The following SH3RF3 variants were observed in gnomAD, a reference collection of about 807,000 sequenced individuals.
SH3RF3 encodes the protein E3 ubiquitin-protein ligase SH3RF3.
A neutral mutation model predicts 66.3 loss-of-function variants in SH3RF3; 29 were observed. The ratio of observed to expected loss-of-function variants is 0.44; its 90% CI spans 0.33 to 0.60. The LOEUF is 0.60. Ranked by LOEUF, SH3RF3 falls within the 20% of genes least tolerant of loss-of-function variation. SH3RF3 has a pLI of 0.04. For synonymous variants in SH3RF3, 583 were observed against 532.0 expected (o/e 1.10, Z -1.32); for missense variants, 1,194 against 1,190.9 (o/e 1.00, Z -0.04).
chr2:109,320,077 T>C (rs1165250208), intron 1 of SH3RF3, among the ~76,000 whole-genome samples: 2 of 152,220 alleles, frequency 1.3e-5, no homozygotes, highest in African/African-American at 2.4e-5. Context: ...GGGTGGCCTC[T>C]TATGGTCCCT....
At chr2:109,153,140 A>G (rs1258414128) in intron 1 of SH3RF3, among the ~76,000 whole-genome samples, 1 of 152,206 alleles carries the variant, frequency 6.6e-6, no homozygotes, top group Non-Finnish European at 1.5e-5. Flanking sequence ...CAGTGGGGCA[A>G]ATATTTCAAT....
intron 3 of SH3RF3, among the ~76,000 whole-genome samples, chr2:109,390,292 A>G (rs61472481): frequency 0.12 from 18,745 of 152,198 alleles, 1,394 homozygotes; most frequent in East Asian, 0.25. Flanking sequence ...AAATTATCAC[A>G]GGGTCCTTAT....
chr2:109,256,243 G>T (rs1553492535), intron 1 of SH3RF3, among the ~76,000 whole-genome samples: 1 of 152,188 alleles, frequency 6.6e-6, no homozygotes, highest in African/African-American at 2.4e-5. Context: ...AGCCTGCCAT[G>T]GACAGGTCGC....
intron 1 of SH3RF3, among the ~76,000 whole-genome samples, chr2:109,141,913 G>A (rs57198318): frequency 0.13 from 19,617 of 152,016 alleles, 1,922 homozygotes; most frequent in African/African-American, 0.27. Flanking sequence ...CCTCCTGCAA[G>A]CTCTGCAGGT....
At position 109,417,081 on chromosome 2, in the gene SH3RF3, C is replaced by A. The variant is rs557592049; in HGVS notation, c.1300-2458C>A. ...TCCCTGTGTTGGAATTGCTTGGTAA[C>A]TATTTGAATGGGTGAGTGAATGACC... On this transcript the variant is annotated intron_variant, in intron 4 of 9. Transcript: ENST00000309415. Among the ~76,000 whole-genome samples, 48 of 152,242 alleles carry A rather than the reference C, an allele frequency of 3.2e-4. 1 individual carries two copies. In the South Asian group the frequency reaches 9.3e-3, roughly 30 times the overall value.
intron 2 of SH3RF3, among the ~76,000 whole-genome samples, chr2:109,363,527 T>C (rs979542636): frequency 2.0e-5 from 3 of 152,196 alleles, no homozygotes; most frequent in African/African-American, 7.2e-5. Context: ...AATAAAAGTT[T>C]TAAGTTTACT....
chr2:109,397,963 A>T (rs904406762), intron 3 of SH3RF3, among the ~76,000 whole-genome samples: 1 of 152,158 alleles, frequency 6.6e-6, no homozygotes, highest in African/African-American at 2.4e-5. Context: ...TCGCCAAATC[A>T]CTCAAGATGA....
At chr2:109,406,672 C>T (rs945757760) in intron 4 of SH3RF3, among the ~76,000 whole-genome samples, 3 of 152,078 alleles carry the variant, frequency 2.0e-5, no homozygotes, top group Admixed American at 6.5e-5. Flanking sequence ...GATATTGAGG[C>T]GTTCTGACAG....
At chr2:109,477,642 G>T (rs978670878) in intron 8 of SH3RF3, among the ~76,000 whole-genome samples, 1 of 150,438 alleles carries the variant, frequency 6.6e-6, no homozygotes, top group Non-Finnish European at 1.5e-5. Flanking sequence ...GTGTGTGTGT[G>T]TTGGTGAGGG....
Position 109,501,199 on chromosome 2 carries a change from G to A in SH3RF3, c.2481-304G>A, listed in dbSNP as rs568178317. 1.7e-4 allele frequency among the ~76,000 whole-genome samples: 26 copies of A among 152,300 alleles called. 1 individual carries two copies. Among genetic ancestry groups the A allele is most frequent in the Non-Finnish European group, 3.2e-4 (22 of 68,026 alleles). On this transcript the variant is annotated intron_variant, in intron 9 of 9. Transcript: ENST00000309415. ...TCTAGGTGGGTGGGCCAGGGCAGGA[G>A]CGTGGATATGAGATGGGGGGCTGTG... is the stretch of plus-strand genomic sequence containing the variant.
At chr2:109,250,193 GT>G (rs1680052350) in intron 1 of SH3RF3, among the ~76,000 whole-genome samples, 1 of 151,602 alleles carries the variant, frequency 6.6e-6, no homozygotes. Context: ...GTTCCCTAAG[GT>G]TTTGATATAA....
intron 1 of SH3RF3, among the ~76,000 whole-genome samples, chr2:109,322,211 C>T (rs990647812): frequency 2.6e-5 from 4 of 152,116 alleles, no homozygotes; most frequent in African/African-American, 4.8e-5. Context: ...TGGAATCCCC[C>T]GAATAATCAC....
intron 1 of SH3RF3, among the ~76,000 whole-genome samples, chr2:109,290,781 A>C (rs979253260): frequency 2.2e-4 from 33 of 152,232 alleles, no homozygotes; most frequent in African/African-American, 6.5e-4. Flanking sequence ...TGGGCTTCAG[A>C]GCCTTTACAA....
At chr2:109,344,723 G>A (rs111700500) in intron 1 of SH3RF3, among the ~76,000 whole-genome samples, 3 of 152,300 alleles carry the variant, frequency 2.0e-5, no homozygotes, top group African/African-American at 7.2e-5. Context: ...GGAGTTGGCA[G>A]GAGGAGTGCC....
intron 1 of SH3RF3, among the ~76,000 whole-genome samples, chr2:109,161,242 G>A (rs1220896152): frequency 6.6e-6 from 1 of 152,162 alleles, no homozygotes; most frequent in African/African-American, 2.4e-5. Context: ...TATAAGTCAG[G>A]CACGAGTATG....
chr2:109,139,830 C>A (rs1465910660), intron 1 of SH3RF3, among the ~76,000 whole-genome samples: 1 of 152,152 alleles, frequency 6.6e-6, no homozygotes, highest in South Asian at 2.1e-4. Flanking sequence ...TGCCAAAGAC[C>A]AATGTGTCCA....
chr2:109,489,152 T>C (rs1679059986), intron 8 of SH3RF3, among the ~76,000 whole-genome samples: 1 of 152,250 alleles, frequency 6.6e-6, no homozygotes, highest in Non-Finnish European at 1.5e-5. Flanking sequence ...TATATCTCTT[T>C]CCCTCTCTAT....
chr2:109,371,802 C>T (rs978773600), intron 3 of SH3RF3, 121 bp downstream of exon 3: 3 of 821,396 alleles, frequency 3.7e-6, no homozygotes, highest in Admixed American at 4.3e-5. Flanking sequence ...CCACAATAGC[C>T]TCTGGCCAGA....
chr2:109,142,016 G>C (rs566871123), intron 1 of SH3RF3, among the ~76,000 whole-genome samples: 13 of 150,388 alleles, frequency 8.6e-5, no homozygotes, highest in Non-Finnish European at 1.9e-4. Context: ...CCCTGCCCAA[G>C]TCCTCTTCTG....
Sources: gnomAD v4.1 joint callset for allele counts (sites outside exome capture counted in the v4.1 genomes callset) on GRCh38, gnomAD v4.1.1 for gene constraint, MANE v1.5 for transcripts, NCBI Gene and HGNC (gene_info 2026-07-23, HGNC 2026-07-21) for gene names.